The following ZNF24 variants were observed in gnomAD, a reference collection of about 807,000 sequenced individuals.
The protein encoded by ZNF24 is retinoic acid suppression protein A.
A neutral mutation model predicts 40.9 loss-of-function variants in ZNF24; 11 were observed. The ratio of observed to expected loss-of-function variants is 0.27; its 90% CI spans 0.17 to 0.45. ZNF24 has a LOEUF of 0.45. Among genes scored for constraint, ZNF24 ranks in the 20% least tolerant of loss-of-function variants. The pLI is 1.00. For synonymous variants in ZNF24, 139 were observed against 154.7 expected, an observed-to-expected ratio of 0.90 and a Z score of 0.75; for missense variants, 293 against 437.7, an observed-to-expected ratio of 0.67 and a Z score of 2.95.
chr18:35,344,081 C>G (rs1035781550), intron 1 of ZNF24: 1 of 152,334 alleles, frequency 6.6e-6, no homozygotes, highest in African/African-American at 2.4e-5. Context: ...GCCAGGGCCT[C>G]GAAATAGAAC....
rs545991364 is a variant in ZNF24, at chr18:35,339,522, C to A, written c.568+307G>T. Reference sequence around the variant, plus strand: ...AAGTAAAAGGATGTAAAACAGATGACAAGTAATACTGAATGCAAAATAGAG... The same window carrying A: ...AAGTAAAAGGATGTAAAACAGATGAAAAGTAATACTGAATGCAAAATAGAG... On this transcript the variant is annotated intron_variant, in intron 3 of 3. Transcript: ENST00000261332. Among the ~76,000 whole-genome samples the A allele has an allele frequency of 2.3e-4, 35 of 152,248 alleles. No individual in the cohort carries two copies. The South Asian group carries it at 7.2e-3, about 32-fold the overall frequency.
At chr18:35,341,390 T>G (rs2044967229) in intron 1 of ZNF24, among the ~76,000 whole-genome samples, 1 of 152,276 alleles carries the variant, frequency 6.6e-6, no homozygotes, top group Non-Finnish European at 1.5e-5. Context: ...CATACAGTTA[T>G]GTATGGTACA....
chr18:35,340,385 T>C lies in ZNF24; in HGVS notation c.266A>G (p.Glu89Gly). The change falls in exon 2 of 4, where the codon GAA (glutamate) becomes GGA (glycine). Residue 89 changes from glutamate (E) to glycine (G), a missense_variant. Physicochemically the swap from Glu to Gly is moderately conservative, Grantham distance 98. This residue lies in a region of ZNF24 where 234 missense variants were observed against 299.2 expected (regional missense o/e 0.78). Coordinates refer to ENST00000261332, the MANE Select transcript of ZNF24 (RefSeq NM_006965.4). The surrounding 1 kb of genome is among the most constrained non-coding windows in gnomAD (Gnocchi z 4.6). ...CAGCACTACCAGCTCCAAGATTTGT[T>C]CTTTTGTGTGCGTCTCTGGCCTGAG... The part of the protein sequence containing the change: ...LWLRPETHTK[E>G]QILELVVLEQ... 6.2e-7 allele frequency: 1 copy of C among 1,614,202 alleles called. No homozygotes were observed. The highest frequency in any genetic ancestry group is 8.5e-7 in the Non-Finnish European group (1 of 1,180,040).
At position 35,336,468 on chromosome 18, in the gene ZNF24, G is replaced by A. The variant is rs1196307332; in HGVS notation, c.*764C>T. ...TTTCTACCTTCATTATTTTACAACT[G>A]TTTATTATTTAGACTGTATGCTTTT... is the stretch of plus-strand genomic sequence containing the variant. On this transcript the variant is annotated 3_prime_UTR_variant, in exon 4 of 4. Transcript: ENST00000261332. 1.3e-5 allele frequency: 2 copies of A among 152,058 alleles called. No individual in the cohort carries two copies. The highest frequency in any genetic ancestry group is 2.9e-5 in the Non-Finnish European group (2 of 67,994). 9.4% of individuals were successfully genotyped at this position (152,058 alleles called of 1,614,324 possible). A position where few individuals can be genotyped will look rare whatever the true frequency, so the allele number is the denominator to read the frequency against.
At position 35,333,730 on chromosome 18, in the gene ZNF24, T is replaced by C. The variant is rs963455872; in HGVS notation, c.*3502A>G. 13 of 152,188 alleles carry C rather than the reference T, an allele frequency of 8.5e-5. No homozygotes were observed. The highest frequency in any genetic ancestry group is 1.9e-4 in the East Asian group (1 of 5,202). 9.4% of individuals were successfully genotyped at this position (152,188 alleles called of 1,614,324 possible). On this transcript the variant is annotated 3_prime_UTR_variant, in exon 4 of 4. Transcript: ENST00000261332. ...TGGTAGTAGTTTTCAAAACTGCAAA[T>C]GTGAAACCTGATCCAATAAATTTCT...
In ZNF24 at chr18:35,340,848, A is replaced by T. The variant is rs941884177; in HGVS notation, c.-83-115T>A. On this transcript the variant is annotated intron_variant, in intron 1 of 3. Coordinates refer to ENST00000261332, the MANE Select transcript of ZNF24 (RefSeq NM_006965.4). This position sits in a 1 kb window ranked among gnomAD's most constrained non-coding sequence, Gnocchi z 4.6. ...TTTGAGTTAAAAATTCCAATCAATAACCTACACCAGGAATTGGCAAACTAC... is the reference window on the plus strand; with the variant it reads ...TTTGAGTTAAAAATTCCAATCAATATCCTACACCAGGAATTGGCAAACTAC... 1 of 562,958 alleles carries T rather than the reference A, an allele frequency of 1.8e-6. No homozygotes were observed. The highest frequency in any genetic ancestry group is 1.9e-5 in the African/African-American group (1 of 52,754). 34.9% of individuals were successfully genotyped at this position (562,958 alleles called of 1,614,324 possible).
chr18:35,334,514 C>T lies in ZNF24; in HGVS notation c.*2718G>A, dbSNP rs1045919453. The stretch of plus-strand genomic sequence containing the variant: ...AAGATCAAGTACCAACTGGGTATGA[C>T]TACAGAGAGCTTAACCTCCAAGAAA... On this transcript the variant is annotated 3_prime_UTR_variant, in exon 4 of 4. Coordinates refer to ENST00000261332, the MANE Select transcript of ZNF24 (RefSeq NM_006965.4). The T allele has an allele frequency of 6.6e-6, 1 of 152,182 alleles. No individual in the cohort carries two copies. The highest frequency in any genetic ancestry group is 1.5e-5 in the Non-Finnish European group (1 of 68,044). The allele number at this position is 152,182 out of a possible 1,614,324, so 9.4% of individuals were successfully genotyped here.
Position 35,340,471 on chromosome 18 carries a change from G to A in ZNF24, c.180C>T (p.Tyr60=). The part of the protein sequence containing the change: ...IFRQRFRQFG[Y]QDSPGPREAV... The stretch of plus-strand genomic sequence containing the variant: ...CCTCACGGGGCCCAGGTGAATCCTG[G>A]TATCCAAACTGCCTGAATCGCTGTC... Residue 60 remains tyrosine (Y), a synonymous_variant, in exon 2 of 4, where the codon TAC becomes TAT. Coordinates refer to ENST00000261332, the MANE Select transcript of ZNF24 (RefSeq NM_006965.4). This position sits in a 1 kb window ranked among gnomAD's most constrained non-coding sequence, Gnocchi z 4.6. The A allele has an allele frequency of 6.2e-7, 1 of 1,614,234 alleles. No homozygotes were observed. Among genetic ancestry groups the A allele is most frequent in the Non-Finnish European group, 8.5e-7 (1 of 1,180,028 alleles).
chr18:35,338,681 G>A, intron 3 of ZNF24: 1 of 1,066,376 alleles, frequency 9.4e-7, no homozygotes, highest in Non-Finnish European at 1.1e-6. Context: ...GAGAGAGACT[G>A]AAAGGTTAGA....
At position 35,340,313 on chromosome 18, in the gene ZNF24, C is replaced by T. The variant is rs1307017653; in HGVS notation, c.338G>A (p.Arg113Gln). 3.1e-6 allele frequency: 5 copies of T among 1,614,206 alleles called. No individual in the cohort carries two copies. The highest frequency in any genetic ancestry group is 2.2e-5 in the East Asian group (1 of 44,888). Residue 113 changes from arginine to glutamine, a missense_variant, in exon 2 of 4, where the codon CGA (arginine) becomes CAA (glutamine). Physicochemically the swap from Arg to Gln is conservative, Grantham distance 43. Transcript: ENST00000261332. This position sits in a 1 kb window ranked among gnomAD's most constrained non-coding sequence, Gnocchi z 4.6. ...CTCTCCATTCTCTGGATGATGATCT[C>T]GAACCCAAGTCTGTAGCTCTTTGGG... ...ILPKELQTWV[R>Q]DHHPENGEEA...
chr18:35,334,956 A>G lies in ZNF24; in HGVS notation c.*2276T>C, dbSNP rs895019412. The G allele has an allele frequency of 1.3e-5, 2 of 152,228 alleles. No individual in the cohort carries two copies. Among genetic ancestry groups the G allele is most frequent in the African/African-American group, 4.8e-5 (2 of 41,460 alleles). 9.4% of individuals were successfully genotyped at this position (152,228 alleles called of 1,614,324 possible). ...ATATTAGAGCTGCCAAGACAAAAAC[A>G]GTATTTGCCAACCCTCATACTACTT... is the stretch of plus-strand genomic sequence containing the variant. On this transcript the variant is annotated 3_prime_UTR_variant, in exon 4 of 4. Coordinates refer to ENST00000261332, the MANE Select transcript of ZNF24 (RefSeq NM_006965.4).
At chr18:35,339,058 C>T (rs2044940400) in intron 3 of ZNF24, 1 of 1,535,976 alleles carries the variant, frequency 6.5e-7, no homozygotes, top group Non-Finnish European at 8.7e-7. Flanking sequence ...TCTCCAACTA[C>T]TTCAAGGAAT....
At position 35,338,603 on chromosome 18, in the gene ZNF24, C is replaced by T. The variant is rs570748652; in HGVS notation, c.569-833G>A. The T allele has an allele frequency of 4.0e-6, 4 of 991,888 alleles. No homozygotes were observed. The African/African-American group carries it at 5.2e-5, about 13-fold the overall frequency. The allele number at this position is 991,888 out of a possible 1,614,324, so 61.4% of individuals were successfully genotyped here. On this transcript the variant is annotated intron_variant, in intron 3 of 3. Transcript: ENST00000261332. ...GATCCAGTTCATATAGGGTTAGCAA[C>T]TGCCTTCAGCGAAGAGGAAAACAGT... is the stretch of plus-strand genomic sequence containing the variant.
At chr18:35,341,436 T>C (rs573671147) in intron 1 of ZNF24, among the ~76,000 whole-genome samples, 4 of 152,372 alleles carry the variant, frequency 2.6e-5, no homozygotes, top group Non-Finnish European at 5.9e-5. Flanking sequence ...ACTATGTTAC[T>C]GGTTTATGTA....
Position 35,333,334 on chromosome 18 carries a change from GTT to G in ZNF24, c.*3896_*3897del, listed in dbSNP as rs2044874713. 6.6e-6 allele frequency: 1 copy of G among 152,130 alleles called. No homozygotes were observed. Among genetic ancestry groups the G allele is most frequent in the South Asian group, 2.1e-4 (1 of 4,832 alleles). The allele number at this position is 152,130 out of a possible 1,614,324, so 9.4% of individuals were successfully genotyped here. A position where few individuals can be genotyped will look rare whatever the true frequency, so the allele number is the denominator to read the frequency against. ...ATGAGATCCTATTTATGTAAAAAGTGTTTTTATGTGTATGTATATTCGTACGG... is the reference window on the plus strand; with the variant it reads ...ATGAGATCCTATTTATGTAAAAAGTGTTTATGTGTATGTATATTCGTACGG... On this transcript the variant is annotated 3_prime_UTR_variant, in exon 4 of 4. Coordinates refer to ENST00000261332, the MANE Select transcript of ZNF24 (RefSeq NM_006965.4).
intron 3 of ZNF24, chr18:35,338,262 A>T: frequency 1.0e-6 from 1 of 985,678 alleles, no homozygotes; most frequent in Non-Finnish European, 1.2e-6. Flanking sequence ...AGCCAATGTT[A>T]GCCTAAAAGC....
In ZNF24 at chr18:35,340,323, T is replaced by C. The variant is rs551820427; in HGVS notation, c.328A>G (p.Thr110Ala). ...FVAILPKELQ[T>A]WVRDHHPENG... is the part of the protein sequence containing the mutation. ...TCTGGATGATGATCTCGAACCCAAG[T>C]CTGTAGCTCTTTGGGTAGGATGGCA... Residue 110 changes from threonine (T) to alanine (A), a missense_variant, in exon 2 of 4, where the codon ACT (threonine) becomes GCT (alanine). Thr to Ala is a moderately conservative substitution (Grantham distance 58, BLOSUM62 0). Around this residue, in one of 2 missense-constraint regions of ZNF24, gnomAD observed 234 missense variants for 299.2 expected, o/e 0.78. Transcript: ENST00000261332. The surrounding 1 kb of genome is among the most constrained non-coding windows in gnomAD (Gnocchi z 4.6). The C allele has an allele frequency of 1.9e-6, 3 of 1,614,164 alleles. No individual in the cohort carries two copies. The East Asian group carries it at 6.7e-5, about 36-fold the overall frequency.
chr18:35,343,064 C>A (rs2044983991), intron 1 of ZNF24, among the ~76,000 whole-genome samples: 1 of 152,118 alleles, frequency 6.6e-6, no homozygotes, highest in Non-Finnish European at 1.5e-5. Flanking sequence ...ATTTTCTTTA[C>A]CATTTAAAAA....
In ZNF24 at chr18:35,337,425, T is replaced by C; in HGVS notation, c.914A>G (p.Lys305Arg). The stretch of plus-strand genomic sequence containing the variant: ...CCCACATTCAAGACATTTGTAAGGT[T>C]TTTCTCCAGTGTGGACTCTCTGGTG... ...VQHQRVHTGE[K>R]PYKCLECGKA... Residue 305 changes from lysine to arginine, a missense_variant, in exon 4 of 4, where the codon AAA becomes AGA. By Grantham distance (26) the Lys-to-Arg change is conservative. Coordinates refer to ENST00000261332, the MANE Select transcript of ZNF24 (RefSeq NM_006965.4). 1 of 1,614,000 alleles carries C rather than the reference T, an allele frequency of 6.2e-7. No individual in the cohort carries two copies. The highest frequency in any genetic ancestry group is 8.5e-7 in the Non-Finnish European group (1 of 1,179,938).
Sources: allele counts gnomAD v4.1 joint callset (sites outside exome capture counted in the v4.1 genomes callset), GRCh38; gene constraint gnomAD v4.1.1; regional missense constraint gnomAD v4.1.1; non-coding constraint Gnocchi (gnomAD v3.1); transcripts MANE v1.5; gene names NCBI Gene and HGNC (gene_info 2026-07-23, HGNC 2026-07-21).